The following NMNAT2 variants were observed in gnomAD, a reference collection of about 807,000 sequenced individuals.
The protein encoded by NMNAT2 is nicotinamide nucleotide adenylyltransferase 2.
Under a neutral mutation model 41.6 loss-of-function variants are expected in NMNAT2, and 11 were observed. The ratio of observed to expected loss-of-function variants is 0.26; its 90% confidence interval spans 0.17 to 0.44. The LOEUF is 0.44. NMNAT2 is among the 20% of genes least tolerant of loss of function. NMNAT2 has a pLI of 1.00. For synonymous variants in NMNAT2, 148 were observed against 151.2 expected, an observed-to-expected ratio of 0.98 and a Z score of 0.16; for missense variants, 288 against 407.7, an observed-to-expected ratio of 0.71 and a Z score of 2.53.
chr1:183,295,217 G>A (rs1451667658), intron 1 of NMNAT2, among the ~76,000 whole-genome samples: 1 of 151,998 alleles, frequency 6.6e-6, no homozygotes, highest in Non-Finnish European at 1.5e-5. Context: ...GGCCAGGCTG[G>A]CCTCAAACTC....
intron 1 of NMNAT2, among the ~76,000 whole-genome samples, chr1:183,417,052 A>C (rs956271927): frequency 6.6e-6 from 1 of 152,140 alleles, no homozygotes; most frequent in Non-Finnish European, 1.5e-5. Context: ...GTTTCAAGAA[A>C]AAGCACCCCC....
At chr1:183,285,740 A>C (rs942277989) in intron 5 of NMNAT2, among the ~76,000 whole-genome samples, 14 of 152,196 alleles carry the variant, frequency 9.2e-5, no homozygotes, top group Non-Finnish European at 1.9e-4. Flanking sequence ...CAAATCAGCA[A>C]ATCACTTTTC....
chr1:183,389,172 C>T (rs938830441), intron 1 of NMNAT2, among the ~76,000 whole-genome samples: 10 of 152,164 alleles, frequency 6.6e-5, no homozygotes, highest in African/African-American at 2.4e-4. Flanking sequence ...AGTATCACCC[C>T]TCCAGCACTG....
chr1:183,306,894 T>A (rs1186232005), intron 1 of NMNAT2, among the ~76,000 whole-genome samples: 1 of 152,100 alleles, frequency 6.6e-6, no homozygotes, highest in Non-Finnish European at 1.5e-5. Context: ...CTGGAGGTAA[T>A]AATATTAATC....
intron 3 of NMNAT2, chr1:183,290,511 C>A: frequency 3.3e-6 from 1 of 305,086 alleles, no homozygotes; most frequent in Non-Finnish European, 6.1e-6. Context: ...TCTCCCAGTG[C>A]CTCACCTTCC....
chr1:183,279,515 C>G (rs369048547), intron 7 of NMNAT2, among the ~76,000 whole-genome samples: 1 of 152,212 alleles, frequency 6.6e-6, no homozygotes, highest in Non-Finnish European at 1.5e-5. Context: ...GAGGGCACCA[C>G]CAGCCTTCCA....
At chr1:183,295,432 C>T (rs952659162) in intron 1 of NMNAT2, among the ~76,000 whole-genome samples, 4 of 152,156 alleles carry the variant, frequency 2.6e-5, no homozygotes, top group African/African-American at 9.7e-5. Context: ...AGACCCCTCC[C>T]ACCTTTTTAC....
intron 1 of NMNAT2, among the ~76,000 whole-genome samples, chr1:183,390,269 T>C (rs2101921077): frequency 6.6e-6 from 1 of 152,312 alleles, no homozygotes; most frequent in East Asian, 1.9e-4. Flanking sequence ...CAGATCTTAA[T>C]GAATTAAGTG....
chr1:183,313,723 T>C (rs1196814565), intron 1 of NMNAT2, among the ~76,000 whole-genome samples: 1 of 152,192 alleles, frequency 6.6e-6, no homozygotes, highest in Non-Finnish European at 1.5e-5. Flanking sequence ...TGGCCTCAAG[T>C]GATCTGCCTG....
At chr1:183,309,216 T>C (rs1662057465) in intron 1 of NMNAT2, among the ~76,000 whole-genome samples, 1 of 152,118 alleles carries the variant, frequency 6.6e-6, no homozygotes, top group Admixed American at 6.6e-5. Context: ...CCCAGGCTGG[T>C]CTCAAACTCC....
In NMNAT2 at chr1:183,286,663, T is replaced by C; in HGVS notation, c.447A>G (p.Ala149=). ...AATCACACATCAGTGTTCCCCTACC[T>C]GCAGTGGGCTTGGTGGCCACGTTGC... ...QNSNVATKPT[A]AKILGKVGES... Residue 149 remains alanine, a splice_region_variant and synonymous_variant, in exon 5 of 11, where the codon GCA becomes GCG. Coordinates refer to ENST00000287713, the MANE Select transcript of NMNAT2 (RefSeq NM_015039.4). 1 of 1,607,422 alleles carries C rather than the reference T, an allele frequency of 6.2e-7. No individual in the cohort carries two copies. Among genetic ancestry groups the C allele is most frequent in the South Asian group, 1.1e-5 (1 of 89,398 alleles).
intron 1 of NMNAT2, among the ~76,000 whole-genome samples, chr1:183,361,998 C>T (rs12023343): frequency 5.3e-5 from 8 of 152,252 alleles, no homozygotes; most frequent in East Asian, 3.9e-4. Flanking sequence ...AGTGAAGTGG[C>T]GTGATCTCGG....
chr1:183,401,209 A>C (rs1648798809), intron 1 of NMNAT2, among the ~76,000 whole-genome samples: 1 of 152,234 alleles, frequency 6.6e-6, no homozygotes, highest in East Asian at 1.9e-4. Context: ...AACTTAAACA[A>C]ATTTACAAGA....
chr1:183,375,798 T>C (rs913610230), intron 1 of NMNAT2, among the ~76,000 whole-genome samples: 3 of 151,948 alleles, frequency 2.0e-5, no homozygotes, highest in African/African-American at 7.3e-5. Flanking sequence ...TCAGAGTACT[T>C]ATGAGTCAAT....
chr1:183,373,327 T>C lies in NMNAT2; in HGVS notation c.85+44856A>G, dbSNP rs183716901. 2.8e-4 allele frequency among the ~76,000 whole-genome samples: 43 copies of C among 152,326 alleles called. 2 individuals carry two copies. The East Asian group carries it at 8.1e-3, about 29-fold the overall frequency. ...CTAAGGTCCTAACTGAGAGGCCTGATTGCAAAAGGGTCCTTTACATGGGAC... is the reference window on the plus strand; with the variant it reads ...CTAAGGTCCTAACTGAGAGGCCTGACTGCAAAAGGGTCCTTTACATGGGAC... On this transcript the variant is annotated intron_variant, in intron 1 of 10. Transcript: ENST00000287713.
At chr1:183,277,109 C>G (rs1172901153) in intron 8 of NMNAT2, among the ~76,000 whole-genome samples, 1 of 152,260 alleles carries the variant, frequency 6.6e-6, no homozygotes, top group Admixed American at 6.5e-5. Flanking sequence ...CAAAACAATA[C>G]CATTTAAGCC....
rs760430359 is a variant in NMNAT2 at position 183,293,667 on chromosome 1, G to A, written c.174+38C>T. The A allele has an allele frequency of 3.6e-5, 52 of 1,435,534 alleles. No homozygotes were observed. The East Asian group carries it at 5.0e-4, about 14-fold the overall frequency. 88.9% of individuals were successfully genotyped at this position (1,435,534 alleles called of 1,614,324 possible). Reference sequence around the variant, plus strand: ...ACTATCAGGCCAGGGATGGGGGGACGGGGATTGAAGAGGAGAGGGGCACAG... The same window carrying A: ...ACTATCAGGCCAGGGATGGGGGGACAGGGATTGAAGAGGAGAGGGGCACAG... On this transcript the variant is annotated intron_variant, in intron 2 of 10. Transcript: ENST00000287713.
intron 1 of NMNAT2, among the ~76,000 whole-genome samples, chr1:183,400,532 A>G (rs1434015306): frequency 1.3e-5 from 2 of 152,182 alleles, no homozygotes; most frequent in Admixed American, 1.3e-4. Context: ...CAAGCTACCA[A>G]TGACTTTCTT....
intron 1 of NMNAT2, among the ~76,000 whole-genome samples, chr1:183,379,877 T>G (rs553169843): frequency 4.6e-5 from 7 of 152,226 alleles, no homozygotes; most frequent in South Asian, 2.1e-4. Flanking sequence ...AGAGAACCCA[T>G]TTCTATAGTT....
Sources: gnomAD v4.1 joint callset for allele counts (sites outside exome capture counted in the v4.1 genomes callset) on GRCh38, gnomAD v4.1.1 for gene constraint, MANE v1.5 for transcripts, NCBI Gene and HGNC (gene_info 2026-07-23, HGNC 2026-07-21) for gene names.